Variants in SLC5A1 observed in about 807,000 individuals in gnomAD.
The protein encoded by SLC5A1 is sodium/glucose cotransporter 1.
In SLC5A1, 42 loss-of-function variants were observed where a neutral mutation model predicts 73.5. The observed-to-expected ratio is 0.57, with a 90% CI of 0.45 to 0.74. The LOEUF is 0.74. Among genes scored for constraint, SLC5A1 ranks in the 30% least tolerant of loss-of-function variants. The pLI is 0.00. For missense variants in SLC5A1, 634 were observed against 855.4 expected (o/e 0.74, Z 3.23); for synonymous variants, 300 against 317.4 (o/e 0.95, Z 0.58).
In SLC5A1 at chr22:32,067,021, T is replaced by C; in HGVS notation, c.294T>C (p.Ile98=). The C allele has an allele frequency of 6.2e-7, 1 of 1,613,138 alleles. No homozygotes were observed. Among genetic ancestry groups the C allele is most frequent in the Non-Finnish European group, 8.5e-7 (1 of 1,179,272 alleles). ...CTGGGGCAGCTTCAGGCATCGCCAT[T>C]GGAGGCTTTGAATGGAATGTGAGTA... ...AGTGAASGIA[I]GGFEWNALVL... Residue 98 remains isoleucine (I), a synonymous_variant, in exon 3 of 15, where the codon ATT becomes ATC. Coordinates refer to ENST00000266088, the MANE Select transcript of SLC5A1 (RefSeq NM_000343.4).
At chr22:32,059,752 C>A (rs2093957517) in intron 2 of SLC5A1, among the ~76,000 whole-genome samples, 1 of 152,138 alleles carries the variant, frequency 6.6e-6, no homozygotes, top group Non-Finnish European at 1.5e-5. Flanking sequence ...ACAATCCCAT[C>A]TCTTGAGGAG....
chr22:32,077,752 C>T (rs375509953), intron 5 of SLC5A1, among the ~76,000 whole-genome samples: 12 of 152,066 alleles, frequency 7.9e-5, no homozygotes, highest in African/African-American at 2.7e-4. Flanking sequence ...GTCTCATTTT[C>T]CTCTTTCCTA....
chr22:32,074,168 G>A (rs148364224), intron 5 of SLC5A1, among the ~76,000 whole-genome samples: 165 of 152,336 alleles, frequency 1.1e-3, no homozygotes, highest in African/African-American at 3.7e-3. Flanking sequence ...GTGAAAGTCT[G>A]TGGACTGCAG....
chr22:32,051,023 G>A (rs1322855682), intron 2 of SLC5A1, among the ~76,000 whole-genome samples: 3 of 152,172 alleles, frequency 2.0e-5, no homozygotes, highest in Admixed American at 6.5e-5. Flanking sequence ...GCTGAGCTTC[G>A]AAGGGGAATT....
chr22:32,082,209 G>A (rs763758065), intron 6 of SLC5A1, among the ~76,000 whole-genome samples: 2 of 152,332 alleles, frequency 1.3e-5, no homozygotes, highest in South Asian at 2.1e-4. Flanking sequence ...AGGAGTGCAT[G>A]CAGAGCTGGG....
chr22:32,091,487 A>G, intron 10 of SLC5A1, 125 bp from the exon 11 acceptor site: 2 of 1,085,358 alleles, frequency 1.8e-6, no homozygotes, highest in Non-Finnish European at 2.8e-6. Flanking sequence ...GTCTTTTTGG[A>G]GACAGAAATT....
At chr22:32,082,074 G>C in intron 6 of SLC5A1, 103 bp downstream of exon 6, 1 of 800,774 alleles carries the variant, frequency 1.2e-6, no homozygotes, top group South Asian at 1.4e-5. Context: ...CTTGAGGAGA[G>C]ATACACTCAG....
intron 1 of SLC5A1, among the ~76,000 whole-genome samples, chr22:32,044,174 G>A (rs189641425): frequency 6.6e-6 from 1 of 152,204 alleles, no homozygotes; most frequent in East Asian, 1.9e-4. Flanking sequence ...AGGAGGAGAT[G>A]TTTTAAAAGT....
intron 2 of SLC5A1, chr22:32,059,361 T>C (rs2093956821): frequency 1.0e-6 from 1 of 984,876 alleles, no homozygotes; most frequent in Non-Finnish European, 1.2e-6. Flanking sequence ...GATTGGAGGA[T>C]GGAGATCGGC....
In SLC5A1 at chr22:32,066,834, C is replaced by G. The variant is rs545323435; in HGVS notation, c.208-101C>G. On this transcript the variant is annotated intron_variant, in intron 2 of 14. Coordinates refer to ENST00000266088, the MANE Select transcript of SLC5A1 (RefSeq NM_000343.4). The stretch of plus-strand genomic sequence containing the variant: ...TTCTCCCAGCCCACCTCTGCTCTTT[C>G]TTGTCCTTCTCTTGGCTGACATGTC... 1.6e-3 allele frequency: 1,341 copies of G among 822,632 alleles called. 2 individuals carry two copies. The highest frequency in any genetic ancestry group is 2.6e-3 in the Non-Finnish European group (1,215 of 474,906). 51.0% of individuals were successfully genotyped at this position (822,632 alleles called of 1,614,324 possible).
intron 2 of SLC5A1, among the ~76,000 whole-genome samples, chr22:32,050,340 T>C (rs902483039): frequency 2.6e-5 from 4 of 152,192 alleles, no homozygotes; most frequent in Non-Finnish European, 4.4e-5. Flanking sequence ...GGTCAGAGGC[T>C]CTCCACTGCT....
intron 2 of SLC5A1, among the ~76,000 whole-genome samples, chr22:32,062,482 CACA>C (rs2093964847): frequency 6.6e-6 from 1 of 152,162 alleles, no homozygotes; most frequent in South Asian, 2.1e-4. Context: ...GTTCATCTTG[CACA>C]ACAAGCAGCA....
At chr22:32,089,257 T>G (rs2094013115) in intron 10 of SLC5A1, among the ~76,000 whole-genome samples, 3 of 152,208 alleles carry the variant, frequency 2.0e-5, no homozygotes, top group Admixed American at 1.3e-4. Flanking sequence ...GTTTGTGATC[T>G]ATACCACACA....
Position 32,081,983 on chromosome 22 carries a change from C to T in SLC5A1, c.583+12C>T, listed in dbSNP as rs1159859075. ...TTACACAATTACAGGTGAGTCCATT[C>T]AAATAAACCAGCACCTCAAACCCAG... On this transcript the variant is annotated intron_variant, in intron 6 of 14. Coordinates refer to ENST00000266088, the MANE Select transcript of SLC5A1 (RefSeq NM_000343.4). The T allele has an allele frequency of 6.5e-7, 1 of 1,548,926 alleles. No homozygotes were observed. The highest frequency in any genetic ancestry group is 1.7e-5 in the Admixed American group (1 of 59,938).
At chr22:32,072,987 G>A (rs1465304927) in intron 5 of SLC5A1, among the ~76,000 whole-genome samples, 2 of 152,052 alleles carry the variant, frequency 1.3e-5, no homozygotes, top group Non-Finnish European at 2.9e-5. Context: ...CCTGTAGGTT[G>A]TTTTTTCACT....
chr22:32,050,396 C>T (rs867746754), intron 2 of SLC5A1, among the ~76,000 whole-genome samples: 4 of 152,162 alleles, frequency 2.6e-5, no homozygotes, highest in African/African-American at 7.2e-5. Flanking sequence ...TTATCCCAGT[C>T]GCTTTGTGCC....
chr22:32,070,211 CTCCCCTCCCCTCCCCTCCCCCCTCCCCT>C (rs2093980466), intron 5 of SLC5A1, among the ~76,000 whole-genome samples: 1 of 58,796 alleles, frequency 1.7e-5, no homozygotes, highest in Non-Finnish European at 4.1e-5. Flanking sequence ...CTCTTCTCTT[CTCCCCTCCCCTCCCCTCCCCCCTCCCCT>C]CCCCCTCCCC....
chr22:32,095,159 C>T (rs1408218477), intron 11 of SLC5A1, among the ~76,000 whole-genome samples: 1 of 152,092 alleles, frequency 6.6e-6, no homozygotes, highest in African/African-American at 2.4e-5. Flanking sequence ...TTTGAAGGTT[C>T]CCTTTGAAGT....
chr22:32,045,658 T>G (rs1250444464), intron 1 of SLC5A1, among the ~76,000 whole-genome samples: 4 of 152,262 alleles, frequency 2.6e-5, no homozygotes, highest in African/African-American at 9.6e-5. Flanking sequence ...TTTTGCTCTT[T>G]TACAATTCTG....
Sources: gnomAD v4.1 joint callset for allele counts (sites outside exome capture counted in the v4.1 genomes callset) on GRCh38, gnomAD v4.1.1 for gene constraint, MANE v1.5 for transcripts, NCBI Gene and HGNC (gene_info 2026-07-23, HGNC 2026-07-21) for gene names.